ABCG2: variants seen among roughly 807,000 people sequenced by gnomAD.
ABCG2 encodes ATP binding cassette subfamily G member 2 (JR blood group).
A neutral mutation model predicts 73.5 loss-of-function variants in ABCG2; 80 were observed. The ratio of observed to expected loss-of-function variants is 1.09; its 90% CI spans 0.91 to 1.31. The LOEUF (loss-of-function observed/expected upper bound fraction) is 1.31, where lower values mean the gene tolerates loss of function less well. ABCG2 is among the 50% of genes most tolerant of loss of function. ABCG2 has a pLI of 0.00. For missense variants in ABCG2, 796 were observed against 786.2 expected (o/e 1.01, Z -0.15); for synonymous variants, 269 against 282.4 (o/e 0.95, Z 0.48).
Position 88,099,328 on chromosome 4 carries a change from C to A in ABCG2, c.1488G>T (p.Met496Ile), listed in dbSNP as rs754610135. ...SIIFTCIVYF[M>I]LGLKPKADAF... is the part of the protein sequence containing the mutation. ...TTTGTTTTGTTACATACTTACCTAACATGAAGTACACTATACAGGTAAATA... is the reference window on the plus strand; with the variant it reads ...TTTGTTTTGTTACATACTTACCTAAAATGAAGTACACTATACAGGTAAATA... Residue 496 changes from methionine to isoleucine, a missense_variant, in exon 12 of 16, where the codon ATG becomes ATT. Coordinates refer to ENST00000237612, the MANE Select transcript of ABCG2 (RefSeq NM_004827.3). 1 of 1,591,670 alleles carries A rather than the reference C, an allele frequency of 6.3e-7. No homozygotes were observed. Among genetic ancestry groups the A allele is most frequent in the Non-Finnish European group, 8.5e-7 (1 of 1,171,360 alleles).
At chr4:88,095,496 C>T (rs1721921623) in intron 14 of ABCG2, 24 bp downstream of exon 14, 1 of 1,591,208 alleles carries the variant, frequency 6.3e-7, no homozygotes, top group Non-Finnish European at 8.6e-7. Context: ...AATGCAGTCA[C>T]AGTGACAGAC....
rs942676490 is a variant in ABCG2 at position 88,113,320 on chromosome 4, G to A, written c.1177C>T (p.Gln393Ter). 1.2e-6 allele frequency: 2 copies of A among 1,613,994 alleles called. No homozygotes were observed. Among genetic ancestry groups the A allele is most frequent in the African/African-American group, 1.3e-5 (1 of 74,912 alleles). ...CTGGTTACCTGAGCTATAGAGGCCT[G>A]GGGATTACCCAGCAAGTTTTTGAAT... ...RSFKNLLGNP[Q>*]ASIAQIIVTV... is the part of the protein sequence containing the mutation. The change falls in exon 9 of 16, where the codon CAG becomes TAG. Residue 393 changes from glutamine (Q) to a stop codon, truncating the protein, a stop_gained. Coordinates refer to ENST00000237612, the MANE Select transcript of ABCG2 (RefSeq NM_004827.3). LOFTEE classifies it high-confidence loss of function.
At chr4:88,112,529 A>G (rs962880953) in intron 9 of ABCG2, among the ~76,000 whole-genome samples, 1 of 151,998 alleles carries the variant, frequency 6.6e-6, no homozygotes, top group African/African-American at 2.4e-5. Flanking sequence ...TAATTTCTTT[A>G]TTATTTATCA....
At chr4:88,116,302 G>A (rs971050859) in intron 7 of ABCG2, among the ~76,000 whole-genome samples, 1 of 152,108 alleles carries the variant, frequency 6.6e-6, no homozygotes, top group Non-Finnish European at 1.5e-5. Context: ...GATAGAACAT[G>A]GCCAGCACAG....
In ABCG2 at chr4:88,095,539, A is replaced by T. The variant is rs569617981; in HGVS notation, c.1718T>A (p.Ile573Asn). The change falls in exon 14 of 16, where the codon ATT (isoleucine) becomes AAT (asparagine). Residue 573 changes from isoleucine to asparagine, a missense_variant. By Grantham distance (149) the Ile-to-Asn change is moderately radical. Coordinates refer to ENST00000237612, the MANE Select transcript of ABCG2 (RefSeq NM_004827.3). ...SWLSWLQYFS[I>N]PRYGFTALQH... ...ACATACCGTAAATCCATATCGTGGAATGCTGAAGTACTGAAGCCATGACAG... is the reference window on the plus strand; with the variant it reads ...ACATACCGTAAATCCATATCGTGGATTGCTGAAGTACTGAAGCCATGACAG... The T allele has an allele frequency of 1.4e-5, 22 of 1,613,550 alleles. No individual in the cohort carries two copies. In the East Asian group the frequency reaches 4.7e-4, roughly 34 times the overall value.
intron 1 of ABCG2, among the ~76,000 whole-genome samples, chr4:88,144,952 G>A (rs1466422514): frequency 6.6e-6 from 1 of 150,924 alleles, no homozygotes; most frequent in East Asian, 1.9e-4. Flanking sequence ...TTCATACAAT[G>A]AAAACTGAGA....
chr4:88,098,629 T>G (rs568509030), intron 12 of ABCG2, among the ~76,000 whole-genome samples: 49 of 132,512 alleles, frequency 3.7e-4, no homozygotes, highest in African/African-American at 1.3e-3. Flanking sequence ...TATACATATA[T>G]AGAGAGAGAC....
At chr4:88,127,955 G>A (rs2725257) in intron 5 of ABCG2, among the ~76,000 whole-genome samples, 142,086 of 147,058 alleles carry the variant, frequency 0.97, 68,755 homozygotes, top group East Asian at 1. Context: ...CAAAAAAAAA[G>A]AAAGAAAAAA....
At chr4:88,199,995 C>T (rs543521472) in intron 1 of ABCG2, among the ~76,000 whole-genome samples, 236 of 151,380 alleles carry the variant, frequency 1.6e-3, no homozygotes, top group Non-Finnish European at 2.9e-3. Context: ...AGCGAGACTC[C>T]GTCTCAAAAA....
chr4:88,200,115 A>T (rs553992326), intron 1 of ABCG2, among the ~76,000 whole-genome samples: 2 of 152,254 alleles, frequency 1.3e-5, no homozygotes, highest in African/African-American at 4.8e-5. Context: ...ACTTGAGCTC[A>T]GGAATTCAAA....
intron 1 of ABCG2, among the ~76,000 whole-genome samples, chr4:88,173,934 T>C (rs1727856391): frequency 6.6e-6 from 1 of 152,220 alleles, no homozygotes; most frequent in South Asian, 2.1e-4. Flanking sequence ...TTTTGGCCGA[T>C]GTGTCTCAGA....
At chr4:88,150,330 G>A (rs1236737832) in intron 1 of ABCG2, among the ~76,000 whole-genome samples, 1 of 152,170 alleles carries the variant, frequency 6.6e-6, no homozygotes, top group Non-Finnish European at 1.5e-5. Flanking sequence ...TTCCAGTGAG[G>A]CCCTCAAGCA....
At chr4:88,126,502 G>C (rs1465694375) in intron 5 of ABCG2, among the ~76,000 whole-genome samples, 1 of 152,146 alleles carries the variant, frequency 6.6e-6, no homozygotes, top group East Asian at 1.9e-4. Context: ...CAATATCCCT[G>C]ATCAACATCA....
chr4:88,157,951 G>T (rs181225897), intron 1 of ABCG2, among the ~76,000 whole-genome samples: 3 of 152,258 alleles, frequency 2.0e-5, no homozygotes, highest in East Asian at 1.9e-4. Flanking sequence ...GCTTTAAAGG[G>T]ATTGACCAAT....
intron 1 of ABCG2, among the ~76,000 whole-genome samples, chr4:88,156,946 C>T (rs1726982293): frequency 6.6e-6 from 1 of 152,016 alleles, no homozygotes; most frequent in Non-Finnish European, 1.5e-5. Flanking sequence ...ACTAAAAATA[C>T]AAAAAATTAT....
rs72554045 is a variant in ABCG2, at chr4:88,094,029, G to A, written c.1820+548C>T. Among the ~76,000 whole-genome samples, 405 of 152,176 alleles carry A rather than the reference G, an allele frequency of 2.7e-3. 4 individuals carry two copies. Among genetic ancestry groups the A allele is most frequent in the South Asian group, 0.025 (121 of 4,812 alleles). ...TAAAAACAACAACACATGACTATGC[G>A]GCCTTTGATTTCATGATGTCTTCCA... On this transcript the variant is annotated intron_variant, in intron 15 of 15. Coordinates refer to ENST00000237612, the MANE Select transcript of ABCG2 (RefSeq NM_004827.3).
At chr4:88,177,396 AAAG>A (rs1250278329) in intron 1 of ABCG2, among the ~76,000 whole-genome samples, 2 of 152,098 alleles carry the variant, frequency 1.3e-5, no homozygotes, top group African/African-American at 4.8e-5. Context: ...ATTAAAAAAA[AAAG>A]AAGAATATTA....
At chr4:88,119,884 T>C (rs1723843542) in intron 6 of ABCG2, among the ~76,000 whole-genome samples, 1 of 152,188 alleles carries the variant, frequency 6.6e-6, no homozygotes, top group South Asian at 2.1e-4. Flanking sequence ...AAAAACCCAT[T>C]TTCTGAAGAG....
intron 1 of ABCG2, among the ~76,000 whole-genome samples, chr4:88,223,993 C>A (rs1730105757): frequency 1.3e-5 from 2 of 151,882 alleles, no homozygotes; most frequent in South Asian, 4.2e-4. Context: ...GCTTATTAGC[C>A]ATTTATATAT....
Sources: allele counts gnomAD v4.1 joint callset (sites outside exome capture counted in the v4.1 genomes callset), GRCh38; gene constraint gnomAD v4.1.1; transcripts MANE v1.5; gene names NCBI Gene and HGNC (gene_info 2026-07-23, HGNC 2026-07-21).